The following TTC29 variants were observed in gnomAD, a reference collection of about 807,000 sequenced individuals.
TTC29 encodes the protein tetratricopeptide repeat domain 29, also known as tetratricopeptide repeat protein 29.
A neutral mutation model predicts 58.1 loss-of-function variants in TTC29; 49 were observed. The observed-to-expected ratio is 0.84, with a 90% CI of 0.67 to 1.07. TTC29 has a LOEUF of 1.07. TTC29 is among the 50% of genes least tolerant of loss of function. The probability of loss-of-function intolerance (pLI) is 0.00; values close to 1 mark genes in which losing one functional copy is unlikely to be tolerated. For missense variants in TTC29, 582 were observed against 555.6 expected, an observed-to-expected ratio of 1.05 and a Z score of -0.48; for synonymous variants, 209 against 196.8, an observed-to-expected ratio of 1.06 and a Z score of -0.52.
intron 8 of TTC29, among the ~76,000 whole-genome samples, chr4:146,851,802 T>G (rs1451944168): frequency 6.6e-6 from 1 of 152,118 alleles, no homozygotes; most frequent in Non-Finnish European, 1.5e-5. Flanking sequence ...AAAGGAAGAA[T>G]CCATGGTATC....
At position 146,707,553 on chromosome 4, in the gene TTC29, TAA is replaced by T. The variant is rs199560439; in HGVS notation, c.1331-4_1331-3del. ...CCACTGTGGATCCTCTAAACTCTTC[TAA>T]AAAAAAAATACACAAAGTTAATAGA... On this transcript the variant is annotated splice_region_variant and splice_polypyrimidine_tract_variant and intron_variant, in intron 11 of 12. Coordinates refer to ENST00000325106, the MANE Select transcript of TTC29 (RefSeq NM_031956.4). 2.5e-5 allele frequency: 35 copies of T among 1,425,886 alleles called. No individual in the cohort carries two copies. Among genetic ancestry groups the T allele is most frequent in the African/African-American group, 4.4e-5 (3 of 68,896 alleles). 88.3% of individuals were successfully genotyped at this position (1,425,886 alleles called of 1,614,324 possible). A position where few individuals can be genotyped will look rare whatever the true frequency, so the allele number is the denominator to read the frequency against.
At chr4:146,879,440 T>G (rs906275026) in intron 6 of TTC29, among the ~76,000 whole-genome samples, 1 of 152,154 alleles carries the variant, frequency 6.6e-6, no homozygotes, top group Non-Finnish European at 1.5e-5. Context: ...TAAGACATAA[T>G]GCATACTGCT....
chr4:146,716,066 A>G (rs1376804897), intron 11 of TTC29, among the ~76,000 whole-genome samples: 1 of 152,214 alleles, frequency 6.6e-6, no homozygotes, highest in African/African-American at 2.4e-5. Context: ...TAGAAAAAAA[A>G]TAAGATTTGA....
intron 6 of TTC29, among the ~76,000 whole-genome samples, chr4:146,877,739 T>C (rs1467983243): frequency 6.6e-6 from 1 of 152,104 alleles, no homozygotes; most frequent in African/African-American, 2.4e-5. Flanking sequence ...TTTTTGGCCA[T>C]GTAAGTGGGG....
At chr4:146,774,077 G>A (rs1443289067) in intron 11 of TTC29, among the ~76,000 whole-genome samples, 1 of 151,964 alleles carries the variant, frequency 6.6e-6, no homozygotes. Flanking sequence ...TGTGGTGTTG[G>A]AGGTCATGAC....
intron 11 of TTC29, among the ~76,000 whole-genome samples, chr4:146,741,561 A>G (rs1010787398): frequency 3.4e-5 from 5 of 149,186 alleles, no homozygotes; most frequent in African/African-American, 9.9e-5. Flanking sequence ...TCAGGTCATC[A>G]TCTCTTCCCT....
At chr4:146,786,361 G>A (rs1041802816) in intron 11 of TTC29, among the ~76,000 whole-genome samples, 2 of 152,076 alleles carry the variant, frequency 1.3e-5, no homozygotes, top group Non-Finnish European at 2.9e-5. Flanking sequence ...AAAATAACAC[G>A]GTTGAATCAA....
chr4:146,915,252 TTTC>T (rs1428991136), intron 4 of TTC29, among the ~76,000 whole-genome samples: 1 of 152,148 alleles, frequency 6.6e-6, no homozygotes, highest in Non-Finnish European at 1.5e-5. Context: ...ATTGTTGCTT[TTTC>T]TTCTTCTCCT....
At chr4:146,721,104 T>G in intron 11 of TTC29, among the ~76,000 whole-genome samples, 1 of 152,150 alleles carries the variant, frequency 6.6e-6, no homozygotes, top group East Asian at 1.9e-4. Context: ...GTACAATTTC[T>G]TAAAACAATT....
chr4:146,765,479 G>C (rs1350028791), intron 11 of TTC29, among the ~76,000 whole-genome samples: 1 of 152,070 alleles, frequency 6.6e-6, no homozygotes, highest in Admixed American at 6.5e-5. Flanking sequence ...GGGATTACAG[G>C]CACGAGCCAA....
intron 11 of TTC29, among the ~76,000 whole-genome samples, chr4:146,748,753 C>T (rs926084306): frequency 2.0e-5 from 3 of 152,150 alleles, no homozygotes; most frequent in African/African-American, 4.8e-5. Flanking sequence ...AAAGTCTTTC[C>T]CTACAAAAGC....
intron 6 of TTC29, among the ~76,000 whole-genome samples, chr4:146,897,018 T>C (rs1325518816): frequency 6.6e-6 from 1 of 152,160 alleles, no homozygotes; most frequent in Non-Finnish European, 1.5e-5. Flanking sequence ...TTTCATCTCC[T>C]ACATTCCTCA....
intron 8 of TTC29, among the ~76,000 whole-genome samples, chr4:146,858,925 A>G (rs1234125374): frequency 1.3e-5 from 2 of 152,092 alleles, no homozygotes; most frequent in Non-Finnish European, 2.9e-5. Flanking sequence ...TGATAAATGT[A>G]CTCTCTAAAA....
intron 9 of TTC29, among the ~76,000 whole-genome samples, chr4:146,828,718 T>C (rs1001561674): frequency 6.6e-6 from 1 of 152,124 alleles, no homozygotes; most frequent in Non-Finnish European, 1.5e-5. Flanking sequence ...GTCATTTTTC[T>C]TCCAAAGGAG....
At chr4:146,825,378 G>A (rs554431248) in intron 9 of TTC29, among the ~76,000 whole-genome samples, 17 of 152,160 alleles carry the variant, frequency 1.1e-4, no homozygotes, top group Non-Finnish European at 2.2e-4. Flanking sequence ...TCATTCAGGA[G>A]CAAGGTGTTC....
At chr4:146,883,278 T>A (rs1053987604) in intron 6 of TTC29, among the ~76,000 whole-genome samples, 2 of 152,124 alleles carry the variant, frequency 1.3e-5, no homozygotes, top group South Asian at 2.1e-4. Flanking sequence ...TATGGGTAAC[T>A]ATGCCAAGCT....
At chr4:146,822,638 G>T (rs1229130103) in intron 9 of TTC29, among the ~76,000 whole-genome samples, 1 of 152,158 alleles carries the variant, frequency 6.6e-6, no homozygotes, top group Non-Finnish European at 1.5e-5. Context: ...GGATTGCTGG[G>T]TCAAATGATA....
intron 6 of TTC29, among the ~76,000 whole-genome samples, chr4:146,881,408 A>T (rs1189061736): frequency 6.6e-6 from 1 of 152,112 alleles, no homozygotes; most frequent in African/African-American, 2.4e-5. Flanking sequence ...GAAATATTCC[A>T]CTTTAGTTTA....
intron 11 of TTC29, among the ~76,000 whole-genome samples, chr4:146,718,353 C>T (rs1346281726): frequency 6.6e-6 from 1 of 152,122 alleles, no homozygotes; most frequent in Non-Finnish European, 1.5e-5. Context: ...CAAGGGTTCC[C>T]TTTTCTCCAC....
Sources: gnomAD v4.1 joint callset for allele counts (sites outside exome capture counted in the v4.1 genomes callset) on GRCh38, gnomAD v4.1.1 for gene constraint, MANE v1.5 for transcripts, NCBI Gene and HGNC (gene_info 2026-07-23, HGNC 2026-07-21) for gene names.